Variants in NDST4 observed in about 807,000 individuals in gnomAD.
NDST4 encodes N-deacetylase and N-sulfotransferase 4, also known as N-heparan sulfate sulfotransferase 4.
NDST4 carries 63 observed loss-of-function variants against 100.8 expected under a neutral mutation model. The ratio of observed to expected loss-of-function variants is 0.62; its 90% CI spans 0.51 to 0.77. The LOEUF is 0.77. Ranked by LOEUF, NDST4 falls within the 30% of genes least tolerant of loss-of-function variation. NDST4 has a pLI of 0.00. For synonymous variants in NDST4, 377 were observed against 361.8 expected (o/e 1.04, Z -0.48); for missense variants, 943 against 1,018.4 (o/e 0.93, Z 1.01).
chr4:114,988,484 C>G (rs1726963156), intron 2 of NDST4, among the ~76,000 whole-genome samples: 1 of 151,132 alleles, frequency 6.6e-6, no homozygotes, highest in Non-Finnish European at 1.5e-5. Flanking sequence ...GCCTCAGCCT[C>G]CCAAGTAGCT....
intron 1 of NDST4, among the ~76,000 whole-genome samples, chr4:115,109,590 C>T (rs1038630619): frequency 1.3e-5 from 2 of 151,998 alleles, no homozygotes; most frequent in Non-Finnish European, 2.9e-5. Context: ...ACAAAAGTCT[C>T]GCTTCTGTTT....
chr4:114,926,855 T>C (rs1167936269), intron 6 of NDST4, among the ~76,000 whole-genome samples: 9 of 152,046 alleles, frequency 5.9e-5, no homozygotes, highest in Admixed American at 5.9e-4. Flanking sequence ...AACTATAGAG[T>C]TGTTGATTCT....
intron 6 of NDST4, among the ~76,000 whole-genome samples, chr4:114,872,622 C>G (rs1724172852): frequency 6.6e-6 from 1 of 151,864 alleles, no homozygotes; most frequent in Admixed American, 6.6e-5. Flanking sequence ...AAAATCTTAC[C>G]TAAAATTCAT....
chr4:114,923,479 C>A (rs954934532), intron 6 of NDST4, among the ~76,000 whole-genome samples: 3 of 152,056 alleles, frequency 2.0e-5, no homozygotes, highest in African/African-American at 7.2e-5. Context: ...ATTTTGAACC[C>A]TTCAGTAGAG....
intron 2 of NDST4, among the ~76,000 whole-genome samples, chr4:115,014,376 C>T (rs137857949): frequency 3.3e-5 from 5 of 152,122 alleles, no homozygotes; most frequent in South Asian, 2.1e-4. Flanking sequence ...TAAGATGGTA[C>T]GGAGTAAATC....
intron 2 of NDST4, among the ~76,000 whole-genome samples, chr4:115,044,952 G>A (rs1728434053): frequency 6.6e-6 from 1 of 151,504 alleles, no homozygotes; most frequent in African/African-American, 2.4e-5. Context: ...ATAATGTTAA[G>A]TGTCGACAAA....
intron 6 of NDST4, among the ~76,000 whole-genome samples, chr4:114,904,665 A>C (rs927919962): frequency 7.2e-5 from 11 of 151,896 alleles, no homozygotes; most frequent in Non-Finnish European, 1.6e-4. Context: ...ATATTTCTAA[A>C]ATATTTGACA....
chr4:114,931,043 A>C (rs1725500621), intron 6 of NDST4, among the ~76,000 whole-genome samples: 1 of 152,062 alleles, frequency 6.6e-6, no homozygotes, highest in Non-Finnish European at 1.5e-5. Context: ...CACTTTTAGA[A>C]ACTGAAGTAA....
At chr4:114,932,472 T>C (rs765406498) in intron 6 of NDST4, among the ~76,000 whole-genome samples, 7 of 151,756 alleles carry the variant, frequency 4.6e-5, no homozygotes, top group Admixed American at 6.6e-5. Flanking sequence ...TTCTATTCAA[T>C]ATAATATTAA....
At chr4:115,053,767 T>C (rs1728635897) in intron 2 of NDST4, among the ~76,000 whole-genome samples, 1 of 152,134 alleles carries the variant, frequency 6.6e-6, no homozygotes, top group South Asian at 2.1e-4. Flanking sequence ...GGGATGTATG[T>C]GGTTCCCTAA....
intron 3 of NDST4, among the ~76,000 whole-genome samples, chr4:114,975,713 CT>C (rs1726617698): frequency 6.6e-6 from 1 of 152,116 alleles, no homozygotes; most frequent in Non-Finnish European, 1.5e-5. Context: ...TCCTTACAAT[CT>C]ACAGCTATTT....
At chr4:115,105,272 T>C (rs1028904188) in intron 1 of NDST4, among the ~76,000 whole-genome samples, 5 of 152,180 alleles carry the variant, frequency 3.3e-5, no homozygotes, top group African/African-American at 1.2e-4. Context: ...ATTTTTCTTA[T>C]TCATTCCTCT....
intron 4 of NDST4, among the ~76,000 whole-genome samples, chr4:114,963,941 T>C (rs983527064): frequency 6.6e-6 from 1 of 152,222 alleles, no homozygotes; most frequent in Non-Finnish European, 1.5e-5. Flanking sequence ...TGTCTCCTGA[T>C]ATTCCCTTTA....
At chr4:115,101,702 T>G (rs1346626692) in intron 1 of NDST4, among the ~76,000 whole-genome samples, 3 of 152,036 alleles carry the variant, frequency 2.0e-5, no homozygotes, top group South Asian at 4.1e-4. Context: ...AATGTTAAAG[T>G]GAGTTGAAAA....
At position 115,076,291 on chromosome 4, in the gene NDST4, C is replaced by A; in HGVS notation, c.746G>T (p.Ser249Ile). ...AATCACCGTTGCAAAGAGTGTTTTG[C>A]TAGACAAGGATGACAGGGATTTTTC... ...QTEKSLSSLS[S>I]KTLFATVIQD... is the part of the protein sequence containing the mutation. Residue 249 changes from serine (S) to isoleucine (I), a missense_variant, in exon 2 of 14, where the codon AGC (serine) becomes ATC (isoleucine). Ser to Ile is a moderately radical substitution (Grantham distance 142). Coordinates refer to ENST00000264363, the MANE Select transcript of NDST4 (RefSeq NM_022569.3). The A allele has an allele frequency of 6.2e-7, 1 of 1,613,820 alleles. No individual in the cohort carries two copies. The highest frequency in any genetic ancestry group is 2.2e-5 in the East Asian group (1 of 44,832).
At chr4:114,959,310 C>A (rs530671991) in intron 4 of NDST4, among the ~76,000 whole-genome samples, 6 of 151,466 alleles carry the variant, frequency 4.0e-5, no homozygotes, top group African/African-American at 1.5e-4. Flanking sequence ...TCTAGCAGTA[C>A]TCCACTCTAC....
At chr4:114,892,741 G>A (rs1724626554) in intron 6 of NDST4, among the ~76,000 whole-genome samples, 1 of 150,760 alleles carries the variant, frequency 6.6e-6, no homozygotes, top group Non-Finnish European at 1.5e-5. Flanking sequence ...TTTTTTTTGT[G>A]GGGGTGGGAG....
At chr4:115,001,809 T>C (rs1257126555) in intron 2 of NDST4, among the ~76,000 whole-genome samples, 2 of 152,296 alleles carry the variant, frequency 1.3e-5, no homozygotes, top group East Asian at 3.9e-4. Flanking sequence ...ATTTACTTCA[T>C]GAAATGAACT....
intron 4 of NDST4, 69 bp downstream of exon 4, chr4:114,970,361 T>A: frequency 5.8e-6 from 8 of 1,385,538 alleles, no homozygotes; most frequent in Non-Finnish European, 8.0e-6. Context: ...ACCCAATACA[T>A]TAATTTTACA....
Sources: gnomAD v4.1 joint callset for allele counts (sites outside exome capture counted in the v4.1 genomes callset) on GRCh38, gnomAD v4.1.1 for gene constraint, MANE v1.5 for transcripts, NCBI Gene and HGNC (gene_info 2026-07-23, HGNC 2026-07-21) for gene names.